NALCN: variants seen among roughly 807,000 people sequenced by gnomAD.
The protein encoded by NALCN is sodium leak channel, non-selective.
In NALCN, 111 loss-of-function variants were observed where a neutral mutation model predicts 225.3. That is an observed-to-expected ratio of 0.49 (90% CI 0.42 to 0.58). NALCN has a LOEUF of 0.58. Ranked by LOEUF, NALCN falls within the 20% of genes least tolerant of loss-of-function variation. The probability of loss-of-function intolerance (pLI) is 0.00; values close to 1 mark genes in which losing one functional copy is unlikely to be tolerated. For missense variants in NALCN, 1,378 were observed against 2,202.4 expected (o/e 0.63, Z 7.49); for synonymous variants, 764 against 769.0 (o/e 0.99, Z 0.11).
intron 14 of NALCN, among the ~76,000 whole-genome samples, chr13:101,183,116 A>G (rs2039306790): frequency 6.6e-6 from 1 of 152,156 alleles, no homozygotes; most frequent in Admixed American, 6.5e-5. Flanking sequence ...GAGTGTTCTC[A>G]TTTATTCTGT....
At chr13:101,323,944 A>G (rs758817048) in intron 7 of NALCN, among the ~76,000 whole-genome samples, 2 of 152,186 alleles carry the variant, frequency 1.3e-5, no homozygotes, top group Non-Finnish European at 1.5e-5. Context: ...TCACTGAGAT[A>G]GGTTCCTCTA....
intron 6 of NALCN, among the ~76,000 whole-genome samples, chr13:101,365,897 ACTTAC>A (rs2046366307): frequency 6.6e-6 from 1 of 152,184 alleles, no homozygotes; most frequent in Non-Finnish European, 1.5e-5. Flanking sequence ...GGTTACACTT[ACTTAC>A]CTTAAAGTTT....
chr13:101,255,341 A>G (rs1472242253), intron 11 of NALCN, among the ~76,000 whole-genome samples: 1 of 152,190 alleles, frequency 6.6e-6, no homozygotes, highest in Non-Finnish European at 1.5e-5. Context: ...AATTCTGTAC[A>G]TGAAAAAGTT....
At chr13:101,068,596 C>T (rs897390615) in intron 38 of NALCN, 99 bp downstream of exon 38, 3 of 1,240,808 alleles carry the variant, frequency 2.4e-6, no homozygotes, top group African/African-American at 3.1e-5. Context: ...CCATGAAACA[C>T]CCACCCCAAG....
intron 6 of NALCN, among the ~76,000 whole-genome samples, chr13:101,360,144 C>CT (rs770223959): frequency 7.2e-6 from 1 of 138,462 alleles, no homozygotes; most frequent in South Asian, 2.2e-4. Context: ...TTCTTTCTCT[C>CT]TTTTTTTCTT....
chr13:101,354,419 C>T (rs570791302), intron 6 of NALCN, among the ~76,000 whole-genome samples: 31 of 152,204 alleles, frequency 2.0e-4, no homozygotes, highest in Middle Eastern at 3.4e-3. Flanking sequence ...AATGTGAAAC[C>T]GTTTGAGGTT....
intron 6 of NALCN, among the ~76,000 whole-genome samples, chr13:101,363,290 G>A (rs1040727358): frequency 3.3e-5 from 5 of 151,882 alleles, no homozygotes; most frequent in Admixed American, 6.6e-5. Flanking sequence ...AAGCAATCTC[G>A]TGCAAAAAGA....
intron 11 of NALCN, among the ~76,000 whole-genome samples, chr13:101,245,942 G>C (rs149112765): frequency 0.011 from 1,665 of 152,160 alleles, 23 homozygotes; most frequent in African/African-American, 0.03. Flanking sequence ...ATTTACATGG[G>C]GTGAACACCA....
At chr13:101,196,063 T>A (rs2140019958) in intron 13 of NALCN, among the ~76,000 whole-genome samples, 1 of 152,332 alleles carries the variant, frequency 6.6e-6, no homozygotes, top group Non-Finnish European at 1.5e-5. Context: ...CCTCCAAGAC[T>A]CTATTAGACA....
intron 37 of NALCN, among the ~76,000 whole-genome samples, chr13:101,072,961 AAG>A (rs2032999456): frequency 1.3e-5 from 2 of 152,280 alleles, no homozygotes; most frequent in Non-Finnish European, 1.5e-5. Context: ...TACGGTGAGA[AAG>A]AGATAAAATA....
At chr13:101,133,937 A>T (rs889257755) in intron 17 of NALCN, among the ~76,000 whole-genome samples, 1 of 152,160 alleles carries the variant, frequency 6.6e-6, no homozygotes, top group Non-Finnish European at 1.5e-5. Context: ...TGGGAGGCCG[A>T]GGTGGGTGGA....
intron 17 of NALCN, among the ~76,000 whole-genome samples, chr13:101,129,828 C>T (rs113632637): frequency 6.6e-6 from 1 of 151,726 alleles, no homozygotes; most frequent in Admixed American, 6.6e-5. Context: ...CCCATCAACC[C>T]GTCATCTACA....
chr13:101,130,151 TC>T (rs1225700360), intron 17 of NALCN, among the ~76,000 whole-genome samples: 1 of 152,180 alleles, frequency 6.6e-6, no homozygotes, highest in East Asian at 1.9e-4. Context: ...TATCTATATC[TC>T]CTTTTTTCTC....
chr13:101,163,050 C>T (rs183216350), intron 15 of NALCN, among the ~76,000 whole-genome samples: 16 of 152,180 alleles, frequency 1.1e-4, no homozygotes, highest in Admixed American at 3.3e-4. Flanking sequence ...TACAGGCGCC[C>T]GCCACTACGC....
At chr13:101,372,267 T>C (rs1233635939) in intron 6 of NALCN, among the ~76,000 whole-genome samples, 1 of 152,170 alleles carries the variant, frequency 6.6e-6, no homozygotes, top group Non-Finnish European at 1.5e-5. Flanking sequence ...AATAGTACTC[T>C]CTCAGCAATT....
chr13:101,198,195 A>G (rs921338973), intron 13 of NALCN, among the ~76,000 whole-genome samples: 2 of 152,210 alleles, frequency 1.3e-5, no homozygotes, highest in Admixed American at 1.3e-4. Context: ...ACCCTAGAAG[A>G]AAACCTAGGC....
Position 101,104,837 on chromosome 13 carries a change from T to C in NALCN, c.2636+57A>G. 6.3e-7 allele frequency: 1 copy of C among 1,592,470 alleles called. No individual in the cohort carries two copies. The highest frequency in any genetic ancestry group is 1.3e-5 in the African/African-American group (1 of 74,520). On this transcript the variant is annotated intron_variant, in intron 23 of 43. Coordinates refer to ENST00000251127, the MANE Select transcript of NALCN (RefSeq NM_052867.4). This position sits in a 1 kb window ranked among gnomAD's most constrained non-coding sequence, Gnocchi z 4.2. ...AGAATTTTAATCGTTGTATGCAGCA[T>C]AAAATAGTACATGAAAACTTTAAAT... is the stretch of plus-strand genomic sequence containing the variant.
chr13:101,270,378 T>C (rs932332096), intron 10 of NALCN, among the ~76,000 whole-genome samples: 6 of 152,338 alleles, frequency 3.9e-5, no homozygotes, highest in African/African-American at 1.4e-4. Context: ...AAATTGACTT[T>C]TATGTTCATC....
chr13:101,259,526 G>T (rs561768338), intron 10 of NALCN, among the ~76,000 whole-genome samples: 2 of 151,304 alleles, frequency 1.3e-5, no homozygotes, highest in African/African-American at 4.8e-5. Flanking sequence ...AGTAGAGACA[G>T]GGTTTCACCA....
Sources: allele counts gnomAD v4.1 joint callset (sites outside exome capture counted in the v4.1 genomes callset), GRCh38; gene constraint gnomAD v4.1.1; non-coding constraint Gnocchi (gnomAD v3.1); transcripts MANE v1.5; gene names NCBI Gene and HGNC (gene_info 2026-07-23, HGNC 2026-07-21).